The following AMMECR1 variants were observed in gnomAD, a reference collection of about 807,000 sequenced individuals.
The protein encoded by AMMECR1 is AMMECR nuclear protein 1.
A neutral mutation model predicts 22.5 loss-of-function variants in AMMECR1; 3 were observed. That is an observed-to-expected ratio of 0.13 (90% CI 0.06 to 0.35). AMMECR1 has a LOEUF of 0.35. Among genes scored for constraint, AMMECR1 ranks in the 10% least tolerant of loss-of-function variants. The probability of loss-of-function intolerance (pLI) is 1.00; values close to 1 mark genes in which losing one functional copy is unlikely to be tolerated. For missense variants in AMMECR1, 235 were observed against 278.7 expected, an observed-to-expected ratio of 0.84 and a Z score of 1.12; for synonymous variants, 130 against 116.7, an observed-to-expected ratio of 1.11 and a Z score of -0.74.
chrX:110,258,874 G>A (rs1295165884), intron 2 of AMMECR1, among the ~76,000 whole-genome samples: 2 of 111,566 alleles, frequency 1.8e-5, no homozygotes, highest in Admixed American at 1.9e-4. Context: ...TGTTCACAAT[G>A]AGCCTAGAGT....
chrX:110,247,445 C>T (rs1407721180), intron 2 of AMMECR1, among the ~76,000 whole-genome samples: 2 of 111,523 alleles, frequency 1.8e-5, no homozygotes, highest in African/African-American at 3.3e-5. Context: ...AATCCCAACA[C>T]GTTGGGAGGC....
intron 1 of AMMECR1, among the ~76,000 whole-genome samples, chrX:110,301,467 G>T (rs905633802): frequency 8.9e-6 from 1 of 112,348 alleles, no homozygotes; most frequent in African/African-American, 3.2e-5. Flanking sequence ...CTTTTCCACT[G>T]AGTCAGATCA....
At chrX:110,310,547 G>A (rs1034760014) in intron 1 of AMMECR1, among the ~76,000 whole-genome samples, 4 of 111,615 alleles carry the variant, frequency 3.6e-5, no homozygotes, top group African/African-American at 1.3e-4. Flanking sequence ...AGAGGGAAAG[G>A]GGAGGAGAGT....
intron 1 of AMMECR1, among the ~76,000 whole-genome samples, chrX:110,427,930 C>T (rs2068766251): frequency 8.9e-6 from 1 of 111,738 alleles, no homozygotes; most frequent in Non-Finnish European, 1.9e-5. Context: ...ATCTCATCTA[C>T]AACACATAGC....
At chrX:110,421,648 C>T (rs895858192) in intron 2 of AMMECR1, among the ~76,000 whole-genome samples, 1 of 112,954 alleles carries the variant, frequency 8.9e-6, no homozygotes, top group Non-Finnish European at 1.9e-5. Flanking sequence ...GTAAACAAAG[C>T]TCAAATTCAT....
Position 110,316,957 on chromosome X carries a change from G to A in AMMECR1, c.473+642C>T, listed in dbSNP as rs138841381. Among the ~76,000 whole-genome samples the A allele has an allele frequency of 3.2e-3, 355 of 110,109 alleles. 3 individuals carry two copies. The highest frequency in any genetic ancestry group is 0.011 in the African/African-American group (339 of 30,156). On this transcript the variant is annotated intron_variant, in intron 1 of 5. Transcript: ENST00000262844. ...TCAAATGTGAGGAAGCCGGCAGTGCGCTCGCTACACGAGAAACACATTTTA... is the reference window on the plus strand; with the variant it reads ...TCAAATGTGAGGAAGCCGGCAGTGCACTCGCTACACGAGAAACACATTTTA...
At chrX:110,413,829 T>A (rs1321115107) in intron 2 of AMMECR1, among the ~76,000 whole-genome samples, 1 of 111,601 alleles carries the variant, frequency 9.0e-6, no homozygotes, top group Non-Finnish European at 1.9e-5. Context: ...AACATGATGA[T>A]GATGATGATA....
At chrX:110,366,370 T>C (rs2068297314) in intron 2 of AMMECR1, among the ~76,000 whole-genome samples, 1 of 111,694 alleles carries the variant, frequency 9.0e-6, no homozygotes, top group South Asian at 3.8e-4. Context: ...CAAAAACTAA[T>C]GGGGTATACC....
intron 2 of AMMECR1, among the ~76,000 whole-genome samples, chrX:110,220,903 A>G (rs1168112145): frequency 8.9e-6 from 1 of 112,357 alleles, no homozygotes. Flanking sequence ...TGCTAAAAAG[A>G]AAAAAAAGTC....
At chrX:110,425,986 AC>A (rs2068750756) in intron 2 of AMMECR1, among the ~76,000 whole-genome samples, 1 of 112,207 alleles carries the variant, frequency 8.9e-6, no homozygotes, top group Non-Finnish European at 1.9e-5. Context: ...GCGCGCACAC[AC>A]ACACACACAC....
chrX:110,277,593 A>T (rs1042684757), intron 1 of AMMECR1, among the ~76,000 whole-genome samples: 2 of 111,891 alleles, frequency 1.8e-5, no homozygotes, highest in African/African-American at 6.5e-5. Flanking sequence ...AAAATGGTTC[A>T]GGAAATAAAG....
intron 1 of AMMECR1, among the ~76,000 whole-genome samples, chrX:110,428,533 C>T (rs181254140): frequency 1.8e-5 from 2 of 111,663 alleles, no homozygotes; most frequent in East Asian, 2.8e-4. Flanking sequence ...TCCAGGCCCC[C>T]GTTGCTTTAT....
At chrX:110,315,110 C>T (rs1421855521) in intron 1 of AMMECR1, among the ~76,000 whole-genome samples, 1 of 111,797 alleles carries the variant, frequency 8.9e-6, no homozygotes. Context: ...TGTCTTATGG[C>T]ACTTAGGATA....
intron 2 of AMMECR1, among the ~76,000 whole-genome samples, chrX:110,222,272 A>C (rs1481760838): frequency 1.1e-5 from 1 of 88,719 alleles, no homozygotes; most frequent in African/African-American, 4.2e-5. Context: ...AGCCATAAAA[A>C]ATGATGAGTT....
At chrX:110,269,343 A>C (rs1416211835) in intron 1 of AMMECR1, among the ~76,000 whole-genome samples, 1 of 112,006 alleles carries the variant, frequency 8.9e-6, no homozygotes, top group African/African-American at 3.2e-5. Context: ...CTCTCCTGCC[A>C]TATCAAGGCA....
intron 1 of AMMECR1, among the ~76,000 whole-genome samples, chrX:110,295,756 A>C (rs774807991): frequency 2.4e-4 from 27 of 111,771 alleles, no homozygotes; most frequent in Non-Finnish European, 4.3e-4. Context: ...ATCTTAACCT[A>C]AAACAATCTA....
intron 2 of AMMECR1, among the ~76,000 whole-genome samples, chrX:110,393,285 T>C (rs1286303040): frequency 2.7e-5 from 3 of 112,086 alleles, no homozygotes; most frequent in African/African-American, 9.7e-5. Flanking sequence ...ATTTACCTCA[T>C]AGTTGTTATG....
At position 110,304,669 on chromosome X, in the gene AMMECR1, T is replaced by A. The variant is rs1409813552; in HGVS notation, c.473+12930A>T. On this transcript the variant is annotated intron_variant, in intron 1 of 5. Transcript: ENST00000262844. ...CAACATTAAAGGTGCTGGTGAGACA[T>A]AATTAAACAGACAAAGAGAAATTTT... Among the ~76,000 whole-genome samples, 3 of 112,222 alleles carry A rather than the reference T, an allele frequency of 2.7e-5. No homozygotes were observed. In the Admixed American group the frequency reaches 2.8e-4, roughly 11 times the overall value.
At chrX:110,302,108 A>G (rs150968558) in intron 1 of AMMECR1, among the ~76,000 whole-genome samples, 17 of 111,821 alleles carry the variant, frequency 1.5e-4, no homozygotes, top group African/African-American at 4.6e-4. Flanking sequence ...AATAATATCA[A>G]ATAAATCCAC....
Sources: allele counts gnomAD v4.1 joint callset (sites outside exome capture counted in the v4.1 genomes callset), GRCh38; gene constraint gnomAD v4.1.1; transcripts MANE v1.5; gene names NCBI Gene and HGNC (gene_info 2026-07-23, HGNC 2026-07-21).